Variants in GNA15 observed in about 807,000 individuals in gnomAD.
GNA15 encodes the protein guanine nucleotide-binding protein subunit alpha-15.
A neutral mutation model predicts 40.1 loss-of-function variants in GNA15; 23 were observed. The ratio of observed to expected loss-of-function variants is 0.57; its 90% CI spans 0.41 to 0.81. The LOEUF (loss-of-function observed/expected upper bound fraction) is 0.81. GNA15 is among the 40% of genes least tolerant of loss of function. The pLI is 0.00. For missense variants in GNA15, 522 were observed against 515.8 expected (o/e 1.01, Z -0.12); for synonymous variants, 226 against 210.4 (o/e 1.07, Z -0.64).
chr19:3,160,072 G>T (rs1414712212), intron 6 of GNA15, among the ~76,000 whole-genome samples: 1 of 152,206 alleles, frequency 6.6e-6, no homozygotes, highest in East Asian at 1.9e-4. Flanking sequence ...GACTTAAACT[G>T]GTCATTTTCC....
Position 3,148,760 on chromosome 19 carries a change from C to T in GNA15, c.315C>T (p.Ser105=), listed in dbSNP as rs755461939. 6.3e-6 allele frequency: 10 copies of T among 1,598,694 alleles called. No homozygotes were observed. The highest frequency in any genetic ancestry group is 1.1e-5 in the South Asian group (1 of 88,862). The change falls in exon 2 of 7, where the codon AGC becomes AGT. Residue 105 remains serine, a synonymous_variant. Coordinates refer to ENST00000262958, the MANE Select transcript of GNA15 (RefSeq NM_002068.4). ...TGGAGCGGCTGCAGATTCCATTCAG[C>T]AGGCCCGAGAGCAAGGTGAGCCGCC... is the stretch of plus-strand genomic sequence containing the variant. ...EAMERLQIPF[S]RPESKHHASL...
At chr19:3,157,624 G>C in intron 5 of GNA15, 104 bp from the exon 6 acceptor site, 2 of 963,896 alleles carry the variant, frequency 2.1e-6, no homozygotes, top group Non-Finnish European at 3.2e-6. Flanking sequence ...GCAGATAGGG[G>C]TGAGCCCATG....
Position 3,150,134 on chromosome 19 carries a change from C to G in GNA15, c.334C>G (p.His112Asp). 1 of 1,612,262 alleles carries G rather than the reference C, an allele frequency of 6.2e-7. No homozygotes were observed. Among genetic ancestry groups the G allele is most frequent in the South Asian group, 1.1e-5 (1 of 91,034 alleles). Residue 112 changes from histidine to aspartate, a missense_variant, in exon 3 of 7, where the codon CAC (histidine) becomes GAC (aspartate). His to Asp is a moderately conservative substitution (Grantham distance 81). Transcript: ENST00000262958. ...TGCCCCCGTCCTCCCTCCCCAGCAC[C>G]ACGCTAGCCTGGTCATGAGCCAGGA... ...IPFSRPESKH[H>D]ASLVMSQDPY...
intron 2 of GNA15, chr19:3,149,321 G>A: frequency 6.3e-6 from 1 of 158,086 alleles, no homozygotes; most frequent in South Asian, 1.6e-4. Flanking sequence ...AAGCATGCAT[G>A]CAAATTCCCA....
intron 1 of GNA15, 112 bp from the exon 2 acceptor site, chr19:3,148,479 G>A: frequency 9.6e-7 from 1 of 1,040,942 alleles, no homozygotes; most frequent in South Asian, 1.6e-5. Context: ...GCTGCACCGG[G>A]GTTTGAACCC....
chr19:3,150,247 G>A lies in GNA15; in HGVS notation c.447G>A (p.Glu149=). The change falls in exon 3 of 7, where the codon GAG becomes GAA. Residue 149 remains glutamate (E), a synonymous_variant. Transcript: ENST00000262958. ...ATGCCGGCATCCGGGCCTGCTATGA[G>A]CGTCGGCGGGAATTCCACCTGCTCG... ...WRDAGIRACY[E]RRREFHLLDS... is the part of the protein sequence containing the mutation. The A allele has an allele frequency of 6.2e-7, 1 of 1,607,246 alleles. No homozygotes were observed. Among genetic ancestry groups the A allele is most frequent in the Non-Finnish European group, 8.5e-7 (1 of 1,177,032 alleles).
rs1008809421 is a variant in GNA15 at position 3,163,213 on chromosome 19, C to T, written c.*194C>T. ...ACAGCCGCCCCCCAGGGTACTCCTG[C>T]CCTTGCTTGACTCAGTTTCCCTCCT... On this transcript the variant is annotated 3_prime_UTR_variant, in exon 7 of 7. Transcript: ENST00000262958. 14 of 589,904 alleles carry T rather than the reference C, an allele frequency of 2.4e-5. No homozygotes were observed. The highest frequency in any genetic ancestry group is 2.0e-4 in the African/African-American group (11 of 53,806). 36.5% of individuals were successfully genotyped at this position (589,904 alleles called of 1,614,324 possible).
At chr19:3,145,364 T>A (rs1322260752) in intron 1 of GNA15, among the ~76,000 whole-genome samples, 12 of 128,062 alleles carry the variant, frequency 9.4e-5, no homozygotes, top group Non-Finnish European at 1.3e-4. Flanking sequence ...TATATATTTT[T>A]TTTTTTTTGT....
chr19:3,155,424 G>T lies in GNA15; in HGVS notation c.615-399G>T, dbSNP rs531822218. Among the ~76,000 whole-genome samples the T allele has an allele frequency of 5.4e-4, 82 of 152,172 alleles. No individual in the cohort carries two copies. Among genetic ancestry groups the T allele is most frequent in the Non-Finnish European group, 9.6e-4 (65 of 68,022 alleles). On this transcript the variant is annotated intron_variant, in intron 4 of 6. Transcript: ENST00000262958. This position sits in a 1 kb window ranked among gnomAD's most constrained non-coding sequence, Gnocchi z 5.6. ...CTGTGTGGCCACTGGACATGCCCAT[G>T]GCCAGCCAGAGCACAGGAGCCCCAT...
chr19:3,143,619 C>T (rs543119178), intron 1 of GNA15, among the ~76,000 whole-genome samples: 235 of 152,162 alleles, frequency 1.5e-3, no homozygotes, highest in South Asian at 8.1e-3. Context: ...AGCCACTGCA[C>T]TCTAGCCTGG....
chr19:3,139,492 G>T (rs11880863), intron 1 of GNA15, among the ~76,000 whole-genome samples: 42,143 of 151,052 alleles, frequency 0.28, 5,963 homozygotes, highest in Non-Finnish European at 0.32. Flanking sequence ...CTACTTGGGA[G>T]GCTGAGGTGA....
At chr19:3,148,824 C>A in intron 2 of GNA15, 49 bp downstream of exon 2, 1 of 1,501,796 alleles carries the variant, frequency 6.7e-7, no homozygotes, top group Non-Finnish European at 8.9e-7. Context: ...GGGCCCAGGG[C>A]AGGGTTCCCC....
At position 3,162,787 on chromosome 19, in the gene GNA15, C is replaced by G; in HGVS notation, c.899-6C>G. On this transcript the variant is annotated splice_region_variant and splice_polypyrimidine_tract_variant and intron_variant, in intron 6 of 6. Transcript: ENST00000262958. ...TCCTCACCCCCTTCCCACACTGTTT[C>G]CCCAGGCCCTAAGCAGGATGCTGAG... 6.2e-7 allele frequency: 1 copy of G among 1,606,374 alleles called. No individual in the cohort carries two copies. Among genetic ancestry groups the G allele is most frequent in the Non-Finnish European group, 8.5e-7 (1 of 1,173,190 alleles).
At chr19:3,157,347 C>T (rs1022688386) in intron 5 of GNA15, among the ~76,000 whole-genome samples, 2 of 152,138 alleles carry the variant, frequency 1.3e-5, no homozygotes, top group African/African-American at 4.8e-5. Context: ...TGAGGGCCAC[C>T]GTATTCTAGT....
chr19:3,148,665 G>A lies in GNA15; in HGVS notation c.220G>A (p.Glu74Lys), dbSNP rs573354292. 1 of 1,592,444 alleles carries A rather than the reference G, an allele frequency of 6.3e-7. No individual in the cohort carries two copies. Among genetic ancestry groups the A allele is most frequent in the African/African-American group, 1.3e-5 (1 of 74,630 alleles). Residue 74 changes from glutamate (E) to lysine (K), a missense_variant, in exon 2 of 7, where the codon GAG becomes AAG. By Grantham distance (56) the Glu-to-Lys change is moderately conservative. Coordinates refer to ENST00000262958, the MANE Select transcript of GNA15 (RefSeq NM_002068.4). ...CCACGGCGCCGGCTACTCGGAGGAGGAGCGCAAGGGCTTCCGGCCCCTGGT... is the reference window on the plus strand; with the variant it reads ...CCACGGCGCCGGCTACTCGGAGGAGAAGCGCAAGGGCTTCCGGCCCCTGGT... ...IIHGAGYSEEERKGFRPLVYQ... is the reference protein window; with the variant it reads ...IIHGAGYSEEKRKGFRPLVYQ...
At chr19:3,162,125 T>A (rs1215147301) in intron 6 of GNA15, among the ~76,000 whole-genome samples, 1 of 152,096 alleles carries the variant, frequency 6.6e-6, no homozygotes, top group Non-Finnish European at 1.5e-5. Context: ...TCTACAAAGC[T>A]TCTTTAATCT....
At chr19:3,138,927 C>T (rs9710571) in intron 1 of GNA15, among the ~76,000 whole-genome samples, 17 of 138,984 alleles carry the variant, frequency 1.2e-4, no homozygotes, top group African/African-American at 3.5e-4. Context: ...CGTGAGCCAC[C>T]GCGCCCAGCC....
At chr19:3,162,649 A>G in intron 6 of GNA15, 144 bp from the exon 7 acceptor site, 2 of 619,614 alleles carry the variant, frequency 3.2e-6, no homozygotes, top group Non-Finnish European at 5.8e-6. Context: ...AGCTATGACT[A>G]CAAAAGATGG....
intron 1 of GNA15, among the ~76,000 whole-genome samples, chr19:3,140,295 A>G (rs1472032978): frequency 2.0e-5 from 3 of 152,096 alleles, no homozygotes; most frequent in Non-Finnish European, 4.4e-5. Flanking sequence ...TTCTCCTGCT[A>G]CTGTCTGTAG....
Sources: allele counts gnomAD v4.1 joint callset (sites outside exome capture counted in the v4.1 genomes callset), GRCh38; gene constraint gnomAD v4.1.1; non-coding constraint Gnocchi (gnomAD v3.1); transcripts MANE v1.5; gene names NCBI Gene and HGNC (gene_info 2026-07-23, HGNC 2026-07-21).